Variants in FLCN observed in about 807,000 individuals in gnomAD.
The protein encoded by FLCN is folliculin.
A neutral mutation model predicts 62.5 loss-of-function variants in FLCN; 22 were observed. The observed-to-expected ratio is 0.35, with a 90% CI of 0.25 to 0.50. The LOEUF is 0.50. FLCN is among the 20% of genes least tolerant of loss of function. The probability of loss-of-function intolerance (pLI) is 0.97; values close to 1 mark genes in which losing one functional copy is unlikely to be tolerated. For missense variants in FLCN, 657 were observed against 778.0 expected, an observed-to-expected ratio of 0.84 and a Z score of 1.85; for synonymous variants, 319 against 310.0, an observed-to-expected ratio of 1.03 and a Z score of -0.30.
At chr17:17,232,949 C>T (rs2047466245) in intron 1 of FLCN, 48 bp from the exon 2 acceptor site, 1 of 152,156 alleles carries the variant, frequency 6.6e-6, no homozygotes, top group African/African-American at 2.4e-5. Flanking sequence ...GATTAGAGGC[C>T]TTCGTAGCAT....
Position 17,216,636 on chromosome 17 carries a change from C to A in FLCN, c.1177-133G>T. 7.1e-7 allele frequency: 1 copy of A among 1,408,842 alleles called. No individual in the cohort carries two copies. The allele number at this position is 1,408,842 out of a possible 1,614,324, so 87.3% of individuals were successfully genotyped here. On this transcript the variant is annotated intron_variant, in intron 10 of 13. Coordinates refer to ENST00000285071, the MANE Select transcript of FLCN (RefSeq NM_144997.7). This position sits in a 1 kb window ranked among gnomAD's most constrained non-coding sequence, Gnocchi z 4.0. ...CCCTCCCTCCTGCCAGAGGAGTCCC[C>A]AGACTCTCAGCCCACAGTGGGGGTG...
At chr17:17,234,352 T>C (rs2075218155) in intron 1 of FLCN, among the ~76,000 whole-genome samples, 3 of 151,394 alleles carry the variant, frequency 2.0e-5, no homozygotes. Flanking sequence ...GCTGGAATTA[T>C]GGCCGTGCGC....
At chr17:17,214,656 G>A (rs1454296968) in intron 13 of FLCN, among the ~76,000 whole-genome samples, 2 of 151,656 alleles carry the variant, frequency 1.3e-5, no homozygotes, top group Admixed American at 6.6e-5. Context: ...GGGTTACTGG[G>A]CTTTTAGGTT....
At chr17:17,224,209 C>T in intron 5 of FLCN, 66 bp from the exon 6 acceptor site, 4 of 1,429,690 alleles carry the variant, frequency 2.8e-6, no homozygotes, top group Non-Finnish European at 3.9e-6. Flanking sequence ...AAAGCCTCTT[C>T]TTCAGACTTT....
intron 8 of FLCN, chr17:17,221,113 G>A: frequency 7.5e-7 from 1 of 1,337,034 alleles, no homozygotes; most frequent in South Asian, 1.5e-5. Flanking sequence ...ACCTGGGGAA[G>A]CCCAGGCACC....
At chr17:17,236,003 G>C (rs2047572972) in intron 1 of FLCN, 1 of 152,196 alleles carries the variant, frequency 6.6e-6, no homozygotes, top group South Asian at 2.1e-4. Context: ...GTGCGCCCTG[G>C]CCCTATTTCA....
chr17:17,221,438 C>T (rs751923160), intron 8 of FLCN, 99 bp downstream of exon 8: 14 of 1,614,034 alleles, frequency 8.7e-6, no homozygotes, highest in East Asian at 2.2e-5. Flanking sequence ...TTCAGAGCCG[C>T]GTTTCCCTCC....
At position 17,216,299 on chromosome 17, in the gene FLCN, A is replaced by C; in HGVS notation, c.1300+81T>G. On this transcript the variant is annotated intron_variant, in intron 11 of 13. Transcript: ENST00000285071. This position sits in a 1 kb window ranked among gnomAD's most constrained non-coding sequence, Gnocchi z 4.0. ...AGGCCTCCTCTCCACAACCCATGAC[A>C]GAGATCTGGTTCCACTTTGGGCCTG... 25 of 1,587,322 alleles carry C rather than the reference A, an allele frequency of 1.6e-5. No individual in the cohort carries two copies. The highest frequency in any genetic ancestry group is 2.3e-5 in the South Asian group (2 of 88,716).
At position 17,215,060 on chromosome 17, in the gene FLCN, G is replaced by A. The variant is rs200660337; in HGVS notation, c.1463C>T (p.Ala488Val). The A allele has an allele frequency of 9.9e-5, 160 of 1,614,164 alleles. 1 individual carries two copies. The highest frequency in any genetic ancestry group is 6.7e-5 in the East Asian group (3 of 44,874). Reference sequence around the variant, plus strand: ...AGACAGGTTCTGGTTGGTCAGAGCCGCTTCAATCTTATTCAGGATGGTGGG... The same window carrying A: ...AGACAGGTTCTGGTTGGTCAGAGCCACTTCAATCTTATTCAGGATGGTGGG... ...VGPTILNKIE[A>V]ALTNQNLSVD... The change falls in exon 13 of 14, where the codon GCG (alanine) becomes GTG (valine). Residue 488 changes from alanine (A) to valine (V), a missense_variant. Coordinates refer to ENST00000285071, the MANE Select transcript of FLCN (RefSeq NM_144997.7).
At chr17:17,214,255 C>T (rs2046837787) in intron 13 of FLCN, among the ~76,000 whole-genome samples, 1 of 151,896 alleles carries the variant, frequency 6.6e-6, no homozygotes, top group Non-Finnish European at 1.5e-5. Flanking sequence ...CAAAAAATTA[C>T]CAAGAATCGA....
rs111258744 is a variant in FLCN, at chr17:17,222,569, G to C, written c.711C>G (p.Ala237=). 6.2e-7 allele frequency: 1 copy of C among 1,614,244 alleles called. No individual in the cohort carries two copies. Among genetic ancestry groups the C allele is most frequent in the Non-Finnish European group, 8.5e-7 (1 of 1,180,044 alleles). ...TPFLHQRNGN[A]ARSLTSLTSD... Reference sequence around the variant, plus strand: ...TTGTCAGCGATGTCAGCGAGCGGGCGGCGTTGCCGTTCCTCTGGTGTAGGA... The same window carrying C: ...TTGTCAGCGATGTCAGCGAGCGGGCCGCGTTGCCGTTCCTCTGGTGTAGGA... The change falls in exon 7 of 14, where the codon GCC becomes GCG. Residue 237 remains alanine (A), a synonymous_variant. Coordinates refer to ENST00000285071, the MANE Select transcript of FLCN (RefSeq NM_144997.7).
rs2046914232 is a variant in FLCN, at chr17:17,216,221, G to A, written c.1300+159C>T. On this transcript the variant is annotated intron_variant, in intron 11 of 13. Transcript: ENST00000285071. This position sits in a 1 kb window ranked among gnomAD's most constrained non-coding sequence, Gnocchi z 4.0. ...GGTCCACTCACCCACCGCTACCTGT[G>A]TGAAGATAGAACACGGAGGCCCAGA... Among the ~76,000 whole-genome samples, 1 of 152,238 alleles carries A rather than the reference G, an allele frequency of 6.6e-6. No individual in the cohort carries two copies. Among genetic ancestry groups the A allele is most frequent in the Admixed American group, 6.5e-5 (1 of 15,286 alleles).
At chr17:17,233,839 T>G (rs1172029563) in intron 1 of FLCN, among the ~76,000 whole-genome samples, 2 of 144,796 alleles carry the variant, frequency 1.4e-5, no homozygotes, top group African/African-American at 5.1e-5. Flanking sequence ...TTCTCCTGCC[T>G]CAGCCTCCTG....
chr17:17,226,624 A>G (rs2047257494), intron 4 of FLCN, among the ~76,000 whole-genome samples: 1 of 152,166 alleles, frequency 6.6e-6, no homozygotes, highest in Non-Finnish European at 1.5e-5. Flanking sequence ...CCTCTGAGAT[A>G]ATGTCAGTGA....
rs1567808084 is a variant in FLCN, at chr17:17,215,314, A to G, written c.1303T>C (p.Phe435Leu). The change falls in exon 12 of 14, where the codon TTT (phenylalanine) becomes CTT (leucine). Residue 435 changes from phenylalanine (F) to leucine (L), a missense_variant and splice_region_variant. Phe to Leu is a conservative substitution (Grantham distance 22, BLOSUM62 0). Transcript: ENST00000285071. Reference protein sequence around the residue: ...QIPPHVLSSEFAVIVEVHAAA... With the variant: ...QIPPHVLSSELAVIVEVHAAA... The stretch of plus-strand genomic sequence containing the variant: ...GCGTGGACCTCCACGATGACAGCAA[A>G]CTCTGTAACAACACAAGGCCCGTGG... The G allele has an allele frequency of 6.2e-7, 1 of 1,613,740 alleles. No individual in the cohort carries two copies.
Position 17,216,579 on chromosome 17 carries a change from A to C in FLCN, c.1177-76T>G. 6.3e-7 allele frequency: 1 copy of C among 1,596,046 alleles called. No individual in the cohort carries two copies. The highest frequency in any genetic ancestry group is 8.5e-7 in the Non-Finnish European group (1 of 1,173,954). On this transcript the variant is annotated intron_variant, in intron 10 of 13. Coordinates refer to ENST00000285071, the MANE Select transcript of FLCN (RefSeq NM_144997.7). The surrounding 1 kb of genome is among the most constrained non-coding windows in gnomAD (Gnocchi z 4.0). ...CCGGCCATCCATGCTCTACTACCCA[A>C]ACCCCACACGCCTCCTGCAGCCCGG...
chr17:17,216,826 G>GT lies in FLCN; in HGVS notation c.1176+242dup. Reference sequence around the variant, plus strand: ...CCACAAAGAAGCTTTTACCAAGACTGTGTCATATGCATTTTTGTTCCCTCT... The same window carrying GT: ...CCACAAAGAAGCTTTTACCAAGACTGTTGTCATATGCATTTTTGTTCCCTCT... On this transcript the variant is annotated intron_variant, in intron 10 of 13. Transcript: ENST00000285071. The surrounding 1 kb of genome is among the most constrained non-coding windows in gnomAD (Gnocchi z 4.0). The GT allele has an allele frequency of 1.6e-6, 1 of 611,276 alleles. No homozygotes were observed. Among genetic ancestry groups the GT allele is most frequent in the Admixed American group, 2.7e-5 (1 of 37,078 alleles). The allele number at this position is 611,276 out of a possible 1,614,324, so 37.9% of individuals were successfully genotyped here.
At chr17:17,234,000 G>A (rs1489882105) in intron 1 of FLCN, among the ~76,000 whole-genome samples, 1 of 151,738 alleles carries the variant, frequency 6.6e-6, no homozygotes, top group African/African-American at 2.4e-5. Flanking sequence ...TAGGATTACA[G>A]GCATGAGCCA....
rs1443163114 is a variant in FLCN, at chr17:17,215,333, C to G, written c.1301-17G>C. ...CAGCAAACTCTGTAACAACACAAGG[C>G]CCGTGGCTCCTCATCTCCCCCATGC... On this transcript the variant is annotated splice_polypyrimidine_tract_variant and intron_variant, in intron 11 of 13. Transcript: ENST00000285071. The G allele has an allele frequency of 1.2e-6, 2 of 1,613,666 alleles. No individual in the cohort carries two copies. Among genetic ancestry groups the G allele is most frequent in the Non-Finnish European group, 1.7e-6 (2 of 1,180,032 alleles).
Sources: allele counts gnomAD v4.1 joint callset (sites outside exome capture counted in the v4.1 genomes callset), GRCh38; gene constraint gnomAD v4.1.1; non-coding constraint Gnocchi (gnomAD v3.1); transcripts MANE v1.5; gene names NCBI Gene and HGNC (gene_info 2026-07-23, HGNC 2026-07-21).